The following NXPE4 variants were observed in gnomAD, a reference collection of about 807,000 sequenced individuals.
NXPE4 encodes the protein neurexophilin and PC-esterase domain family member 4.
A neutral mutation model predicts 33.3 loss-of-function variants in NXPE4; 42 were observed. That is an observed-to-expected ratio of 1.26 (90% CI 0.98 to 1.63). The LOEUF (loss-of-function observed/expected upper bound fraction) is 1.63. NXPE4 is among the 40% of genes most tolerant of loss of function. The pLI is 0.00. For synonymous variants in NXPE4, 253 were observed against 234.9 expected, an observed-to-expected ratio of 1.08 and a Z score of -0.71; for missense variants, 709 against 647.6, an observed-to-expected ratio of 1.09 and a Z score of -1.03.
At chr11:114,590,642 A>G (rs1481718478) in intron 2 of NXPE4, among the ~76,000 whole-genome samples, 3 of 152,198 alleles carry the variant, frequency 2.0e-5, no homozygotes, top group African/African-American at 7.2e-5. Flanking sequence ...TGTATCAGAA[A>G]GGAAAGGAAT....
the NXPE4 span, among the ~76,000 whole-genome samples, chr11:114,623,186 C>G: frequency 6.6e-6 from 1 of 151,784 alleles, no homozygotes; most frequent in Admixed American, 6.6e-5. Context: ...ATTATTGCCT[C>G]TAGGGTAACC....
At chr11:114,628,882 T>G in the NXPE4 span, among the ~76,000 whole-genome samples, 1 of 151,922 alleles carries the variant, frequency 6.6e-6, no homozygotes, top group Non-Finnish European at 1.5e-5. Flanking sequence ...CATCAGAGAA[T>G]GCTACAAACA....
chr11:114,647,537 G>C, the NXPE4 span, among the ~76,000 whole-genome samples: 1 of 151,668 alleles, frequency 6.6e-6, no homozygotes, highest in Non-Finnish European at 1.5e-5. Context: ...AGACAATTTT[G>C]GTATTCTCTA....
chr11:114,653,111 T>C, the NXPE4 span, among the ~76,000 whole-genome samples: 1 of 152,252 alleles, frequency 6.6e-6, no homozygotes, highest in Non-Finnish European at 1.5e-5. Flanking sequence ...ACAAGGGTTT[T>C]CTAAGAAGCA....
chr11:114,587,333 C>T (rs746841222), intron 2 of NXPE4, among the ~76,000 whole-genome samples: 5 of 152,152 alleles, frequency 3.3e-5, no homozygotes, highest in Non-Finnish European at 5.9e-5. Context: ...GAATTTAATT[C>T]CGGAAGTTAA....
At chr11:114,626,869 A>C in the NXPE4 span, among the ~76,000 whole-genome samples, 1 of 152,180 alleles carries the variant, frequency 6.6e-6, no homozygotes, top group Admixed American at 6.6e-5. Context: ...CTACGTGAAG[A>C]ATGCAGAAGC....
the NXPE4 span, among the ~76,000 whole-genome samples, chr11:114,665,175 C>T: frequency 6.6e-6 from 1 of 152,034 alleles, no homozygotes; most frequent in African/African-American, 2.4e-5. Context: ...ATGATAATGC[C>T]ATTATCTTAG....
intron 2 of NXPE4, among the ~76,000 whole-genome samples, chr11:114,585,574 G>T (rs910821691): frequency 6.6e-6 from 1 of 151,970 alleles, no homozygotes; most frequent in Non-Finnish European, 1.5e-5. Flanking sequence ...TTCATCAAGA[G>T]AAAATGACAA....
rs187212529 is a variant in NXPE4, at chr11:114,572,006, C to T, written c.1100-533G>A. ...ACCCTCACAGAGTCCACTTCACTCC[C>T]CTGCTAACTCCACTGGAGCAGGTGC... On this transcript the variant is annotated intron_variant, in intron 5 of 5. Coordinates refer to ENST00000375478, the MANE Select transcript of NXPE4 (RefSeq NM_001077639.2). Among the ~76,000 whole-genome samples the T allele has an allele frequency of 6.3e-3, 956 of 152,298 alleles. 7 individuals are homozygous for T. The highest frequency in any genetic ancestry group is 0.011 in the Admixed American group (174 of 15,296).
chr11:114,592,996 A>AT (rs1949496299), intron 2 of NXPE4, among the ~76,000 whole-genome samples: 1 of 152,028 alleles, frequency 6.6e-6, no homozygotes. Flanking sequence ...AAATTAGACC[A>AT]TTTTCTCTCA....
the NXPE4 span, among the ~76,000 whole-genome samples, chr11:114,627,077 C>A: frequency 5.3e-5 from 8 of 151,902 alleles, no homozygotes; most frequent in African/African-American, 1.9e-4. Context: ...TGAATGGAAC[C>A]AAGTTGGAAA....
the NXPE4 span, among the ~76,000 whole-genome samples, chr11:114,611,736 G>A: frequency 2.2e-5 from 3 of 137,086 alleles, no homozygotes; most frequent in Non-Finnish European, 4.8e-5. Flanking sequence ...ACCATTGTTA[G>A]CCAGTTGATA....
the NXPE4 span, among the ~76,000 whole-genome samples, chr11:114,648,811 G>A: frequency 6.6e-6 from 1 of 152,026 alleles, no homozygotes; most frequent in Non-Finnish European, 1.5e-5. Flanking sequence ...CTTCTTGATA[G>A]TCTATAACTT....
chr11:114,652,302 G>T, the NXPE4 span, among the ~76,000 whole-genome samples: 5,891 of 152,268 alleles, frequency 0.039, 164 homozygotes, highest in Middle Eastern at 0.092. Flanking sequence ...AAGGCATCCT[G>T]TTCCTTCCTA....
At position 114,572,592 on chromosome 11, in the gene NXPE4, G is replaced by A. The variant is rs113959015; in HGVS notation, c.1100-1119C>T. Reference sequence around the variant, plus strand: ...AATGCACTGGAAATTCTCAGCAATAGAATTGAACAAGCAGAAAAAAGAACC... The same window carrying A: ...AATGCACTGGAAATTCTCAGCAATAAAATTGAACAAGCAGAAAAAAGAACC... On this transcript the variant is annotated intron_variant, in intron 5 of 5. Coordinates refer to ENST00000375478, the MANE Select transcript of NXPE4 (RefSeq NM_001077639.2). Among the ~76,000 whole-genome samples, 5 of 152,182 alleles carry A rather than the reference G, an allele frequency of 3.3e-5. 1 individual carries two copies. Among genetic ancestry groups the A allele is most frequent in the African/African-American group, 1.2e-4 (5 of 41,554 alleles).
chr11:114,656,073 A>G, the NXPE4 span, among the ~76,000 whole-genome samples: 63 of 152,204 alleles, frequency 4.1e-4, no homozygotes, highest in Admixed American at 2.8e-3. Context: ...AAGCAACTTC[A>G]GCAAAGTCTC....
At chr11:114,610,513 G>A in the NXPE4 span, among the ~76,000 whole-genome samples, 1 of 151,810 alleles carries the variant, frequency 6.6e-6, no homozygotes, top group South Asian at 2.1e-4. Context: ...GTTGCCTCAT[G>A]TGTAACCACT....
the NXPE4 span, among the ~76,000 whole-genome samples, chr11:114,640,898 G>C: frequency 1.3e-5 from 2 of 151,890 alleles, no homozygotes; most frequent in Non-Finnish European, 2.9e-5. Context: ...CTCTCATTTT[G>C]TAGGTTTCCT....
At chr11:114,658,405 G>T in the NXPE4 span, among the ~76,000 whole-genome samples, 1 of 152,276 alleles carries the variant, frequency 6.6e-6, no homozygotes, top group East Asian at 1.9e-4. Context: ...AAGGGAATTT[G>T]TTCCTACCTA....
Sources: gnomAD v4.1 joint callset for allele counts (sites outside exome capture counted in the v4.1 genomes callset) on GRCh38, gnomAD v4.1.1 for gene constraint, MANE v1.5 for transcripts, NCBI Gene and HGNC (gene_info 2026-07-23, HGNC 2026-07-21) for gene names.